The following SFXN5 variants were observed in gnomAD, a reference collection of about 807,000 sequenced individuals.
SFXN5 encodes sideroflexin 5, also known as sideroflexin-5.
SFXN5 carries 43 observed loss-of-function variants against 50.2 expected under a neutral mutation model. That is an observed-to-expected ratio of 0.86 (90% CI 0.67 to 1.11). SFXN5 has a LOEUF of 1.11. Ranked by LOEUF, SFXN5 falls within the 50% of genes least tolerant of loss-of-function variation. SFXN5 has a pLI of 0.00. For missense variants in SFXN5, 463 were observed against 454.1 expected, an observed-to-expected ratio of 1.02 and a Z score of -0.18; for synonymous variants, 203 against 185.8, an observed-to-expected ratio of 1.09 and a Z score of -0.75.
intron 3 of SFXN5, 148 bp from the exon 4 acceptor site, chr2:73,023,362 G>C: frequency 1.4e-6 from 1 of 722,988 alleles, no homozygotes; most frequent in Non-Finnish European, 2.2e-6. Context: ...CCCAGGCTGG[G>C]CAGCTGTCCT....
chr2:72,984,187 T>C (rs1215102342), intron 10 of SFXN5, among the ~76,000 whole-genome samples: 3 of 152,190 alleles, frequency 2.0e-5, no homozygotes, highest in Non-Finnish European at 2.9e-5. Flanking sequence ...CATGTATAAA[T>C]AGAAACTGAG....
chr2:72,944,842 T>C lies in SFXN5; in HGVS notation c.*180A>G. Reference sequence around the variant, plus strand: ...TGTACGAAATGTGTTAGAACTCCTCTTGCCTATGTTAAAATGTGAATGGGT... The same window carrying C: ...TGTACGAAATGTGTTAGAACTCCTCCTGCCTATGTTAAAATGTGAATGGGT... On this transcript the variant is annotated 3_prime_UTR_variant, in exon 14 of 14. Coordinates refer to ENST00000272433, the MANE Select transcript of SFXN5 (RefSeq NM_144579.3). 1 of 586,116 alleles carries C rather than the reference T, an allele frequency of 1.7e-6. No individual in the cohort carries two copies. Among genetic ancestry groups the C allele is most frequent in the Non-Finnish European group, 3.1e-6 (1 of 327,854 alleles). 36.3% of individuals were successfully genotyped at this position (586,116 alleles called of 1,614,324 possible).
At chr2:73,047,287 T>A (rs1204110659) in intron 2 of SFXN5, among the ~76,000 whole-genome samples, 1 of 97,312 alleles carries the variant, frequency 1.0e-5, no homozygotes, top group African/African-American at 4.4e-5. Flanking sequence ...CACACATATA[T>A]ATATATATAT....
intron 6 of SFXN5, chr2:73,019,431 C>CTTTTTTTTTTTT (rs747092987): frequency 1.6e-5 from 2 of 123,484 alleles, no homozygotes; most frequent in African/African-American, 3.0e-5. Flanking sequence ...TTTTTTTTTT[C>CTTTTTTTTTTTT]TTTTTTTTTT....
chr2:72,998,977 C>T lies in SFXN5; in HGVS notation c.506G>A (p.Gly169Glu), dbSNP rs1673587483. The T allele has an allele frequency of 6.2e-7, 1 of 1,614,010 alleles. No homozygotes were observed. Among genetic ancestry groups the T allele is most frequent in the East Asian group, 2.2e-5 (1 of 44,896 alleles). ...AATGGAGACGGCGCTGATGACAGCT[C>T]CCAGGTATCCCTGGATGAACTTGGA... is the stretch of plus-strand genomic sequence containing the variant. ...PASKFIQGYL[G>E]AVISAVSIAV... Residue 169 changes from glycine (G) to glutamate (E), a missense_variant, in exon 9 of 14, where the codon GGA becomes GAA. By Grantham distance (98) the Gly-to-Glu change is moderately conservative. Coordinates refer to ENST00000272433, the MANE Select transcript of SFXN5 (RefSeq NM_144579.3).
At chr2:73,043,213 G>A (rs1046015089) in intron 2 of SFXN5, among the ~76,000 whole-genome samples, 1 of 152,286 alleles carries the variant, frequency 6.6e-6, no homozygotes, top group Non-Finnish European at 1.5e-5. Flanking sequence ...CAGCGAAGCT[G>A]CTGTGTTCCC....
chr2:73,058,675 T>C, intron 1 of SFXN5, 79 bp from the exon 2 acceptor site: 2 of 1,380,518 alleles, frequency 1.4e-6, no homozygotes, highest in African/African-American at 1.4e-5. Flanking sequence ...AGCCCCACCC[T>C]TTATGATTGG....
At chr2:72,954,550 CA>C (rs1337492677) in intron 13 of SFXN5, among the ~76,000 whole-genome samples, 3 of 152,160 alleles carry the variant, frequency 2.0e-5, no homozygotes, top group African/African-American at 4.8e-5. Context: ...GACACACGCT[CA>C]TAGCCGCCAG....
At chr2:72,962,781 C>T (rs1673893482) in intron 12 of SFXN5, among the ~76,000 whole-genome samples, 1 of 152,170 alleles carries the variant, frequency 6.6e-6, no homozygotes, top group South Asian at 2.1e-4. Context: ...ATCCTGGTAG[C>T]CCACCTGTCT....
chr2:72,985,563 TG>T (rs1671815986), intron 10 of SFXN5, among the ~76,000 whole-genome samples: 1 of 3,240 alleles, frequency 3.1e-4, no homozygotes, highest in African/African-American at 1.5e-3. Context: ...TGGAAGCCTG[TG>T]GGGGGGTGGG....
At chr2:73,051,586 C>T (rs373689047) in intron 2 of SFXN5, among the ~76,000 whole-genome samples, 1 of 152,188 alleles carries the variant, frequency 6.6e-6, no homozygotes. Flanking sequence ...CCATTCCAGC[C>T]TCTACCCTTT....
chr2:73,058,276 A>T, intron 2 of SFXN5: 1 of 395,420 alleles, frequency 2.5e-6, no homozygotes, highest in Non-Finnish European at 4.6e-6. Context: ...TATCTATCTT[A>T]AAGGGTTGTT....
Position 72,973,557 on chromosome 2 carries a change from G to T in SFXN5, c.626-1872C>A. On this transcript the variant is annotated intron_variant, in intron 10 of 13. Transcript: ENST00000272433. This position sits in a 1 kb window ranked among gnomAD's most constrained non-coding sequence, Gnocchi z 5.5. ...CTGAGAAACCCTTGTTTTCACCACA[G>T]TCAGTGACAGACAGAATTAGGAAGC... 5.9e-6 allele frequency: 1 copy of T among 168,466 alleles called. No homozygotes were observed. The allele number at this position is 168,466 out of a possible 1,614,324, so 10.4% of individuals were successfully genotyped here. A position where few individuals can be genotyped will look rare whatever the true frequency, so the allele number is the denominator to read the frequency against.
At chr2:73,045,279 C>T (rs893675230) in intron 2 of SFXN5, among the ~76,000 whole-genome samples, 3 of 152,172 alleles carry the variant, frequency 2.0e-5, no homozygotes, top group Admixed American at 6.5e-5. Context: ...CACAGAAGAA[C>T]CTGCTGTACT....
chr2:73,023,332 G>C, intron 3 of SFXN5, 118 bp from the exon 4 acceptor site: 1 of 1,025,102 alleles, frequency 9.8e-7, no homozygotes, highest in Non-Finnish European at 1.4e-6. Flanking sequence ...CCCGAAAGAA[G>C]CTCGGGCTAT....
intron 12 of SFXN5, among the ~76,000 whole-genome samples, chr2:72,962,991 G>A (rs532313428): frequency 5.9e-5 from 9 of 152,292 alleles, no homozygotes; most frequent in Non-Finnish European, 1.3e-4. Context: ...GCCCATGCCC[G>A]CCTGGACTTC....
chr2:73,068,855 C>T (rs921106002), intron 1 of SFXN5, among the ~76,000 whole-genome samples: 3 of 151,470 alleles, frequency 2.0e-5, no homozygotes, highest in Non-Finnish European at 4.4e-5. Flanking sequence ...GTGCAGGAGG[C>T]TTCTCCAAGA....
intron 6 of SFXN5, among the ~76,000 whole-genome samples, chr2:73,012,199 A>G (rs1367073060): frequency 6.6e-6 from 1 of 152,230 alleles, no homozygotes; most frequent in Admixed American, 6.5e-5. Flanking sequence ...GGCACACACC[A>G]AACTTCTTAC....
At chr2:72,978,099 AATCT>A (rs1670856265) in intron 10 of SFXN5, among the ~76,000 whole-genome samples, 1 of 151,354 alleles carries the variant, frequency 6.6e-6, no homozygotes, top group Non-Finnish European at 1.5e-5. Flanking sequence ...TTAGGCCTTC[AATCT>A]ATCTAGAATT....
Sources: gnomAD v4.1 joint callset for allele counts (sites outside exome capture counted in the v4.1 genomes callset) on GRCh38, gnomAD v4.1.1 for gene constraint, Gnocchi (gnomAD v3.1) non-coding constraint, MANE v1.5 for transcripts, NCBI Gene and HGNC (gene_info 2026-07-23, HGNC 2026-07-21) for gene names.